TULP4: variants seen among roughly 807,000 people sequenced by gnomAD.
TULP4 encodes TUB like protein 4.
A neutral mutation model predicts 129.0 loss-of-function variants in TULP4; 16 were observed. The observed-to-expected ratio is 0.12, with a 90% confidence interval of 0.08 to 0.19. The LOEUF (loss-of-function observed/expected upper bound fraction) is 0.19. TULP4 is among the 10% of genes least tolerant of loss of function. The pLI, the probability that TULP4 is intolerant of heterozygous loss-of-function variation, is 1.00. For missense variants in TULP4, 1,842 were observed against 2,059.1 expected (o/e 0.89, Z 2.04); for synonymous variants, 998 against 854.0 (o/e 1.17, Z -2.94).
At chr6:158,425,036 C>T (rs931475885) in intron 2 of TULP4, among the ~76,000 whole-genome samples, 5 of 150,784 alleles carry the variant, frequency 3.3e-5, no homozygotes, top group African/African-American at 9.7e-5. Context: ...CGCCTGTATT[C>T]GCAGCTACTC....
chr6:158,237,447 A>G (rs985980209), intron 1 of TULP4: 35 of 1,563,552 alleles, frequency 2.2e-5, no homozygotes, highest in Non-Finnish European at 2.6e-5. Context: ...TTGTAGAGGC[A>G]GATAGTGTCG....
chr6:158,498,644 C>T lies in TULP4; in HGVS notation c.1871-25C>T, dbSNP rs530119989. The T allele has an allele frequency of 2.5e-4, 399 of 1,614,008 alleles. 3 individuals carry two copies. In the South Asian group the frequency reaches 3.7e-3, roughly 15 times the overall value. ...CTCTGCTCTGGTGTGTCTCTGTTAA[C>T]TGTGCCCTTCTTTTTCCCCACCAGT... On this transcript the variant is annotated intron_variant, in intron 11 of 13. Coordinates refer to ENST00000367097, the MANE Select transcript of TULP4 (RefSeq NM_020245.5).
intron 1 of TULP4, among the ~76,000 whole-genome samples, chr6:158,340,726 G>A (rs1407228914): frequency 6.6e-6 from 1 of 152,180 alleles, no homozygotes. Flanking sequence ...AGTGATTCCA[G>A]AGAGTCCTTC....
intron 1 of TULP4, among the ~76,000 whole-genome samples, chr6:158,253,971 G>A (rs755271736): frequency 5.3e-5 from 8 of 152,002 alleles, no homozygotes; most frequent in Non-Finnish European, 1.0e-4. Context: ...CCCAGGAGTC[G>A]GAGGTTGCAG....
intron 1 of TULP4, among the ~76,000 whole-genome samples, chr6:158,355,433 T>A (rs1406846282): frequency 6.6e-6 from 1 of 152,064 alleles, no homozygotes; most frequent in African/African-American, 2.4e-5. Flanking sequence ...AGGAGAGTGG[T>A]TTGTCCAAGA....
At chr6:158,283,480 A>G (rs1442890640) in intron 1 of TULP4, among the ~76,000 whole-genome samples, 1 of 152,192 alleles carries the variant, frequency 6.6e-6, no homozygotes, top group African/African-American at 2.4e-5. Context: ...CAGCAGGCAG[A>G]GCACAGCGTC....
intron 1 of TULP4, among the ~76,000 whole-genome samples, chr6:158,362,233 C>T (rs532099537): frequency 1.6e-4 from 24 of 152,300 alleles, no homozygotes; most frequent in African/African-American, 5.8e-4. Context: ...CAAAATGATC[C>T]TTTATGGAAA....
intron 1 of TULP4, among the ~76,000 whole-genome samples, chr6:158,404,978 ATTT>A (rs1205919405): frequency 6.6e-6 from 1 of 152,084 alleles, no homozygotes; most frequent in Non-Finnish European, 1.5e-5. Context: ...ATTGCCTAAG[ATTT>A]TTAAGTTAAA....
chr6:158,485,603 A>G (rs1780048103), intron 8 of TULP4, among the ~76,000 whole-genome samples: 1 of 152,268 alleles, frequency 6.6e-6, no homozygotes, highest in Non-Finnish European at 1.5e-5. Flanking sequence ...AGAGATCATT[A>G]GGTCCACCTC....
chr6:158,306,129 C>T (rs1383688083), intron 1 of TULP4, among the ~76,000 whole-genome samples: 2 of 152,092 alleles, frequency 1.3e-5, no homozygotes, highest in Non-Finnish European at 2.9e-5. Context: ...ATTTGTCTAG[C>T]ATATATGGCG....
In TULP4 at chr6:158,420,022, C is replaced by T. The variant is rs147949153; in HGVS notation, c.381+6829C>T. Among the ~76,000 whole-genome samples the T allele has an allele frequency of 1.1e-3, 168 of 152,262 alleles. 1 individual carries two copies. The highest frequency in any genetic ancestry group is 3.9e-3 in the African/African-American group (160 of 41,544). ...ACACAGAAGGGTTATAAAAATTGATCATATTCTAGGGCAGGATTCTGCAAA... is the reference window on the plus strand; with the variant it reads ...ACACAGAAGGGTTATAAAAATTGATTATATTCTAGGGCAGGATTCTGCAAA... On this transcript the variant is annotated intron_variant, in intron 2 of 13. Coordinates refer to ENST00000367097, the MANE Select transcript of TULP4 (RefSeq NM_020245.5).
chr6:158,334,655 T>C (rs1779991244), intron 1 of TULP4, among the ~76,000 whole-genome samples: 1 of 152,160 alleles, frequency 6.6e-6, no homozygotes, highest in South Asian at 2.1e-4. Context: ...AAGTTGCTTA[T>C]ATTGATTACC....
chr6:158,368,087 A>AAAAAAAT (rs1191419522), intron 1 of TULP4, among the ~76,000 whole-genome samples: 4 of 150,568 alleles, frequency 2.7e-5, no homozygotes, highest in African/African-American at 9.8e-5. Context: ...AAAAAAAAAA[A>AAAAAAAT]AGGAGCTTCC....
At chr6:158,475,150 A>T (rs770695696) in intron 6 of TULP4, among the ~76,000 whole-genome samples, 6 of 152,156 alleles carry the variant, frequency 3.9e-5, no homozygotes, top group Non-Finnish European at 5.9e-5. Context: ...TGATTGCCAC[A>T]CTCCCTGGTG....
intron 3 of TULP4, among the ~76,000 whole-genome samples, chr6:158,431,159 A>ATTT (rs1460587979): frequency 6.6e-6 from 1 of 152,090 alleles, no homozygotes; most frequent in Non-Finnish European, 1.5e-5. Context: ...ATAAAGCTGC[A>ATTT]TTTTTATGGG....
intron 3 of TULP4, among the ~76,000 whole-genome samples, chr6:158,435,396 G>A (rs535142927): frequency 5.9e-5 from 9 of 152,164 alleles, no homozygotes; most frequent in African/African-American, 9.6e-5. Flanking sequence ...TCCTCTGCTC[G>A]GCTACCTTGG....
chr6:158,334,180 C>T (rs993176704), intron 1 of TULP4, among the ~76,000 whole-genome samples: 6 of 152,150 alleles, frequency 3.9e-5, no homozygotes, highest in Non-Finnish European at 7.3e-5. Flanking sequence ...CCATGAGATC[C>T]ATATGAAATG....
Position 158,507,049 on chromosome 6 carries a change from T to C in TULP4, c.*355T>C, listed in dbSNP as rs1392323180. The C allele has an allele frequency of 4.3e-6, 1 of 234,456 alleles. No individual in the cohort carries two copies. Among genetic ancestry groups the C allele is most frequent in the South Asian group, 6.3e-5 (1 of 15,956 alleles). 14.5% of individuals were successfully genotyped at this position (234,456 alleles called of 1,614,324 possible). On this transcript the variant is annotated 3_prime_UTR_variant, in exon 14 of 14. Coordinates refer to ENST00000367097, the MANE Select transcript of TULP4 (RefSeq NM_020245.5). Reference sequence around the variant, plus strand: ...TTAGAGCCTGCTATTCTTTTAGACATAGGGAGGATGCATTATCCTGTATTC... The same window carrying C: ...TTAGAGCCTGCTATTCTTTTAGACACAGGGAGGATGCATTATCCTGTATTC...
chr6:158,377,948 A>G (rs1379188740), intron 1 of TULP4, among the ~76,000 whole-genome samples: 1 of 152,156 alleles, frequency 6.6e-6, no homozygotes, highest in Non-Finnish European at 1.5e-5. Flanking sequence ...TTACACTCTC[A>G]GCTAGACTCA....
Sources: gnomAD v4.1 joint callset for allele counts (sites outside exome capture counted in the v4.1 genomes callset) on GRCh38, gnomAD v4.1.1 for gene constraint, MANE v1.5 for transcripts, NCBI Gene and HGNC (gene_info 2026-07-23, HGNC 2026-07-21) for gene names.